The following SUPT3H variants were observed in gnomAD, a reference collection of about 807,000 sequenced individuals.
SUPT3H encodes the protein SPT3 homolog, SAGA and STAGA complex component.
In SUPT3H, 44 loss-of-function variants were observed where a neutral mutation model predicts 44.3. That is an observed-to-expected ratio of 0.99 (90% CI 0.78 to 1.28). The LOEUF is 1.28. SUPT3H is among the 50% of genes most tolerant of loss of function. The pLI is 0.00. For missense variants in SUPT3H, 380 were observed against 387.1 expected (o/e 0.98, Z 0.15); for synonymous variants, 124 against 125.6 (o/e 0.99, Z 0.09).
At chr6:45,357,111 A>G (rs1259469128) in intron 2 of SUPT3H, among the ~76,000 whole-genome samples, 1 of 152,012 alleles carries the variant, frequency 6.6e-6, no homozygotes, top group Admixed American at 6.6e-5. Flanking sequence ...GGTTCACGCC[A>G]TTCTCCAGTC....
At chr6:44,950,856 T>C (rs1774197617) in intron 9 of SUPT3H, among the ~76,000 whole-genome samples, 2 of 145,246 alleles carry the variant, frequency 1.4e-5, no homozygotes, top group Non-Finnish European at 3.0e-5. Context: ...ATTTATTTTT[T>C]ATTTTTTATT....
At chr6:44,869,211 T>G (rs1322124906) in intron 10 of SUPT3H, among the ~76,000 whole-genome samples, 1 of 152,158 alleles carries the variant, frequency 6.6e-6, no homozygotes, top group Non-Finnish European at 1.5e-5. Context: ...CTTTTTTTTT[T>G]TCTTTGAAGA....
chr6:45,172,959 A>G (rs1811073818), intron 2 of SUPT3H, among the ~76,000 whole-genome samples: 13 of 152,238 alleles, frequency 8.5e-5, no homozygotes, highest in Admixed American at 8.5e-4. Flanking sequence ...AATCTGAAAA[A>G]TATCAATGAG....
intron 3 of SUPT3H, among the ~76,000 whole-genome samples, chr6:45,084,574 A>C (rs995307800): frequency 2.0e-5 from 3 of 152,212 alleles, no homozygotes; most frequent in African/African-American, 7.2e-5. Context: ...CAAAGAACTT[A>C]AAACAGAAGT....
At chr6:45,299,793 A>C (rs1781862375) in intron 2 of SUPT3H, among the ~76,000 whole-genome samples, 1 of 152,036 alleles carries the variant, frequency 6.6e-6, no homozygotes, top group Non-Finnish European at 1.5e-5. Flanking sequence ...TATCATGTAC[A>C]TATATATACA....
chr6:45,271,875 C>T (rs1431623973), intron 2 of SUPT3H, among the ~76,000 whole-genome samples: 2 of 152,148 alleles, frequency 1.3e-5, no homozygotes, highest in East Asian at 3.9e-4. Flanking sequence ...CATGGGAACC[C>T]ACCTCTTGCA....
At chr6:44,815,099 T>A (rs1426162842) in intron 11 of SUPT3H, among the ~76,000 whole-genome samples, 1 of 152,182 alleles carries the variant, frequency 6.6e-6, no homozygotes, top group Non-Finnish European at 1.5e-5. Flanking sequence ...TATGTGTGCA[T>A]GTGTGTATTA....
At chr6:44,913,984 CAT>C (rs1266483852) in intron 10 of SUPT3H, among the ~76,000 whole-genome samples, 28 of 152,084 alleles carry the variant, frequency 1.8e-4, no homozygotes, top group Admixed American at 1.6e-3. Context: ...AAAATAGTCA[CAT>C]GAGTAAAATC....
intron 3 of SUPT3H, among the ~76,000 whole-genome samples, chr6:45,024,354 T>C (rs1019602819): frequency 2.0e-5 from 3 of 152,174 alleles, no homozygotes; most frequent in African/African-American, 7.2e-5. Flanking sequence ...TGTATTATAT[T>C]TTCACCAATT....
intron 2 of SUPT3H, among the ~76,000 whole-genome samples, chr6:45,107,285 G>A (rs970190798): frequency 3.9e-5 from 6 of 152,112 alleles, no homozygotes; most frequent in African/African-American, 1.4e-4. Context: ...TATTCTGAAG[G>A]CATCTACCTA....
chr6:45,176,121 C>A (rs1239646434), intron 2 of SUPT3H, among the ~76,000 whole-genome samples: 1 of 151,966 alleles, frequency 6.6e-6, no homozygotes, highest in African/African-American at 2.4e-5. Flanking sequence ...CCAGCGTGAG[C>A]GACGCAGAAG....
chr6:45,025,611 C>T (rs1358739696), intron 3 of SUPT3H, among the ~76,000 whole-genome samples: 2 of 152,144 alleles, frequency 1.3e-5, no homozygotes, highest in East Asian at 3.9e-4. Context: ...TGGCCGGGCG[C>T]GGTGGCTCAC....
At chr6:45,182,263 T>C (rs1353422401) in intron 2 of SUPT3H, among the ~76,000 whole-genome samples, 1 of 152,202 alleles carries the variant, frequency 6.6e-6, no homozygotes, top group African/African-American at 2.4e-5. Context: ...TTTTATTTTT[T>C]AGTTATTTAT....
chr6:44,998,642 C>T (rs1190283191), intron 6 of SUPT3H, among the ~76,000 whole-genome samples: 1 of 151,844 alleles, frequency 6.6e-6, no homozygotes, highest in African/African-American at 2.4e-5. Flanking sequence ...TTTGCACCAA[C>T]CTAATACTTA....
intron 10 of SUPT3H, among the ~76,000 whole-genome samples, chr6:44,924,139 C>T (rs1431169535): frequency 1.3e-5 from 2 of 152,092 alleles, no homozygotes; most frequent in Non-Finnish European, 2.9e-5. Flanking sequence ...CCTCTAAACA[C>T]TTTCCAGTTT....
intron 4 of SUPT3H, among the ~76,000 whole-genome samples, chr6:45,015,762 T>C (rs1282639427): frequency 6.6e-6 from 1 of 151,280 alleles, no homozygotes; most frequent in Non-Finnish European, 1.5e-5. Context: ...CTTTTTAAAC[T>C]TCTCTGTTAA....
chr6:45,323,108 C>T, intron 2 of SUPT3H: 1 of 562,046 alleles, frequency 1.8e-6, no homozygotes, highest in East Asian at 3.1e-5. Context: ...AATTTATATA[C>T]TGGAATGCTC....
intron 10 of SUPT3H, among the ~76,000 whole-genome samples, chr6:44,876,836 G>T: frequency 1.1e-5 from 1 of 92,250 alleles, no homozygotes; most frequent in East Asian, 3.2e-4. Flanking sequence ...ATCTTCAATT[G>T]AAAAAAAAAA....
intron 10 of SUPT3H, among the ~76,000 whole-genome samples, chr6:44,844,864 A>G (rs1561874218): frequency 6.6e-6 from 1 of 152,200 alleles, no homozygotes; most frequent in East Asian, 1.9e-4. Flanking sequence ...ATCAAACTAT[A>G]TATTTTAAAA....
Sources: gnomAD v4.1 joint callset for allele counts (sites outside exome capture counted in the v4.1 genomes callset) on GRCh38, gnomAD v4.1.1 for gene constraint, MANE v1.5 for transcripts, NCBI Gene and HGNC (gene_info 2026-07-23, HGNC 2026-07-21) for gene names.